Variants in CCDC169 observed in about 807,000 individuals in gnomAD.
CCDC169 encodes the protein coiled-coil domain-containing protein 169.
A neutral mutation model predicts 36.0 loss-of-function variants in CCDC169; 30 were observed. The ratio of observed to expected loss-of-function variants is 0.83; its 90% CI spans 0.62 to 1.13. The LOEUF (loss-of-function observed/expected upper bound fraction) is 1.13. Among genes scored for constraint, CCDC169 ranks in the 50% most tolerant of loss-of-function variants. The pLI, the probability that CCDC169 is intolerant of heterozygous loss-of-function variation, is 0.00. For synonymous variants in CCDC169, 85 were observed against 81.5 expected (o/e 1.04, Z -0.23); for missense variants, 245 against 245.9 (o/e 1.00, Z 0.03).
chr13:36,279,441 A>C (rs1877236941), intron 4 of CCDC169, among the ~76,000 whole-genome samples: 1 of 152,208 alleles, frequency 6.6e-6, no homozygotes, highest in South Asian at 2.1e-4. Flanking sequence ...ATACTTTATA[A>C]TAATTTGAAA....
At chr13:36,264,474 G>A (rs891000156) in intron 4 of CCDC169, among the ~76,000 whole-genome samples, 23 of 152,036 alleles carry the variant, frequency 1.5e-4, no homozygotes, top group Non-Finnish European at 3.1e-4. Context: ...GATAAAGAAA[G>A]CTTAACATGT....
Position 36,237,557 on chromosome 13 carries a change from C to T in CCDC169, c.546-6265G>A, listed in dbSNP as rs1017317598. Among the ~76,000 whole-genome samples, 8 of 152,164 alleles carry T rather than the reference C, an allele frequency of 5.3e-5. No individual in the cohort carries two copies. The East Asian group carries it at 5.8e-4, about 11-fold the overall frequency. On this transcript the variant is annotated intron_variant, in intron 7 of 7. Transcript: ENST00000239859. The stretch of plus-strand genomic sequence containing the variant: ...TGTAAATGTTCATCAGCTGATGATT[C>T]GGTAAATAAAATGTGGCATATCCAA...
At chr13:36,236,254 C>T (rs1466809215) in intron 7 of CCDC169, among the ~76,000 whole-genome samples, 1 of 152,004 alleles carries the variant, frequency 6.6e-6, no homozygotes, top group Non-Finnish European at 1.5e-5. Flanking sequence ...TTTAAACTCA[C>T]TAAAAAGTTA....
intron 2 of CCDC169, among the ~76,000 whole-genome samples, chr13:36,293,740 G>A (rs748989275): frequency 3.3e-5 from 5 of 152,106 alleles, no homozygotes; most frequent in African/African-American, 9.7e-5. Flanking sequence ...GAGTCATCAC[G>A]GAATGACCAG....
chr13:36,243,528 C>T (rs1039671804), intron 7 of CCDC169, among the ~76,000 whole-genome samples: 2 of 151,624 alleles, frequency 1.3e-5, no homozygotes, highest in Non-Finnish European at 2.9e-5. Flanking sequence ...TACATAAGGC[C>T]AGGCACGGTG....
downstream of CCDC169, chr13:36,224,804 T>C (rs1334002921): frequency 8.5e-5 from 13 of 152,122 alleles, no homozygotes; most frequent in Admixed American, 8.5e-4. Flanking sequence ...AAAATTCATG[T>C]GGAAGTAAAA....
intron 7 of CCDC169, among the ~76,000 whole-genome samples, chr13:36,241,907 G>A (rs773487035): frequency 3.9e-5 from 6 of 152,064 alleles, no homozygotes; most frequent in Non-Finnish European, 8.8e-5. Context: ...TCCTGGGGGC[G>A]GACCTCCCCC....
At chr13:36,247,426 A>C (rs1872643759) in intron 7 of CCDC169, among the ~76,000 whole-genome samples, 1 of 152,190 alleles carries the variant, frequency 6.6e-6, no homozygotes, top group Admixed American at 6.6e-5. Flanking sequence ...TCTGGAAGAA[A>C]ACCTTCTGGA....
chr13:36,284,287 G>A (rs369119859), intron 2 of CCDC169, among the ~76,000 whole-genome samples: 29 of 151,770 alleles, frequency 1.9e-4, no homozygotes, highest in African/African-American at 6.8e-4. Flanking sequence ...TATCACTTAC[G>A]TGTCTGCCGT....
chr13:36,235,276 G>A (rs1049217161), intron 7 of CCDC169, among the ~76,000 whole-genome samples: 1 of 150,976 alleles, frequency 6.6e-6, no homozygotes, highest in Admixed American at 6.6e-5. Context: ...TCCTTCACAC[G>A]CACTTCATAA....
At chr13:36,266,646 G>A (rs944180930) in intron 4 of CCDC169, among the ~76,000 whole-genome samples, 29 of 152,144 alleles carry the variant, frequency 1.9e-4, no homozygotes, top group Non-Finnish European at 3.5e-4. Flanking sequence ...AGGCTTTCTC[G>A]TTTCACATAC....
At chr13:36,228,183 C>T (rs1043251564), downstream of CCDC169, among the ~76,000 whole-genome samples, 3 of 152,184 alleles carry the variant, frequency 2.0e-5, no homozygotes, top group South Asian at 2.1e-4. Context: ...GGGCATATAC[C>T]GAAGAGACTT....
At chr13:36,253,327 T>TA (rs1455055628) in intron 6 of CCDC169, among the ~76,000 whole-genome samples, 1 of 140,304 alleles carries the variant, frequency 7.1e-6, no homozygotes, top group African/African-American at 2.8e-5. Flanking sequence ...GGAAAACTGT[T>TA]ATGTCCTTTT....
chr13:36,235,788 T>C (rs972670012), intron 7 of CCDC169, among the ~76,000 whole-genome samples: 4 of 151,908 alleles, frequency 2.6e-5, no homozygotes, highest in African/African-American at 9.7e-5. Flanking sequence ...TTATGAGATC[T>C]AATAAGTTCC....
chr13:36,285,205 T>C (rs1328602929), intron 2 of CCDC169, among the ~76,000 whole-genome samples: 1 of 152,236 alleles, frequency 6.6e-6, no homozygotes, highest in East Asian at 1.9e-4. Flanking sequence ...CACCATTTTA[T>C]TTAAAAATAT....
chr13:36,281,382 A>AC, intron 4 of CCDC169: 1 of 370,394 alleles, frequency 2.7e-6, no homozygotes, highest in South Asian at 2.2e-5. Flanking sequence ...TTAATAAATT[A>AC]CCCCACTGAA....
At chr13:36,275,370 C>T (rs1007869881) in intron 4 of CCDC169, among the ~76,000 whole-genome samples, 2 of 151,968 alleles carry the variant, frequency 1.3e-5, no homozygotes, top group Non-Finnish European at 2.9e-5. Context: ...TACCAAATGC[C>T]CCCTTGTGGA....
chr13:36,290,685 G>A (rs980475129), intron 2 of CCDC169, among the ~76,000 whole-genome samples: 1 of 152,128 alleles, frequency 6.6e-6, no homozygotes, highest in Non-Finnish European at 1.5e-5. Context: ...TCAATGCAGA[G>A]AATTTATAGA....
intron 2 of CCDC169, 43 bp from the exon 3 acceptor site, chr13:36,283,745 C>T: frequency 7.3e-7 from 1 of 1,366,654 alleles, no homozygotes; most frequent in Non-Finnish European, 1.0e-6. Context: ...ACCCCACCAC[C>T]TCTCATTTAT....
Sources: gnomAD v4.1 joint callset for allele counts (sites outside exome capture counted in the v4.1 genomes callset) on GRCh38, gnomAD v4.1.1 for gene constraint, MANE v1.5 for transcripts, NCBI Gene and HGNC (gene_info 2026-07-23, HGNC 2026-07-21) for gene names.